The following SACM1L variants were observed in gnomAD, a reference collection of about 807,000 sequenced individuals.
SACM1L encodes the protein SAC1 like phosphatidylinositide phosphatase.
Under a neutral mutation model 89.5 loss-of-function variants are expected in SACM1L, and 32 were observed. The observed-to-expected ratio is 0.36, with a 90% CI of 0.27 to 0.48. SACM1L has a LOEUF of 0.48. Among genes scored for constraint, SACM1L ranks in the 20% least tolerant of loss-of-function variants. SACM1L has a pLI of 0.99. For missense variants in SACM1L, 543 were observed against 708.5 expected (o/e 0.77, Z 2.65); for synonymous variants, 213 against 232.8 (o/e 0.92, Z 0.77).
chr3:45,691,043 C>G lies in SACM1L; in HGVS notation c.32+1546C>G, dbSNP rs781227357. ...TCAGCTGCCAGAACACTAAATTTAA[C>G]CAGTTCAGACCTTAAAACAAACCCA... is the stretch of plus-strand genomic sequence containing the variant. On this transcript the variant is annotated intron_variant, in intron 1 of 19. Transcript: ENST00000389061. 2.7e-4 allele frequency among the ~76,000 whole-genome samples: 41 copies of G among 152,296 alleles called. 1 individual carries two copies. Among genetic ancestry groups the G allele is most frequent in the Admixed American group, 1.7e-3 (26 of 15,302 alleles).
intron 5 of SACM1L, 89 bp from the exon 6 acceptor site, chr3:45,713,048 C>T: frequency 9.4e-7 from 1 of 1,061,012 alleles, no homozygotes; most frequent in Non-Finnish European, 1.4e-6. Context: ...TTCTAGCCAT[C>T]AGAAAGAGAC....
At chr3:45,703,116 A>G (rs1291556375) in intron 1 of SACM1L, among the ~76,000 whole-genome samples, 4 of 152,212 alleles carry the variant, frequency 2.6e-5, no homozygotes, top group Non-Finnish European at 4.4e-5. Context: ...CACTACTGGT[A>G]GTCTGGTTCT....
intron 1 of SACM1L, among the ~76,000 whole-genome samples, chr3:45,691,023 T>A (rs2742421): frequency 6.6e-6 from 1 of 151,986 alleles, no homozygotes; most frequent in African/African-American, 2.4e-5. Flanking sequence ...GTTTTTCAGC[T>A]GCCAGAACAC....
chr3:45,699,373 T>G (rs1456016404), intron 1 of SACM1L, among the ~76,000 whole-genome samples: 4 of 151,324 alleles, frequency 2.6e-5, no homozygotes, highest in Non-Finnish European at 5.9e-5. Flanking sequence ...GGGCTCTGGT[T>G]TATGTAGCTG....
Position 45,739,524 on chromosome 3 carries a change from A to G in SACM1L, c.1570-63A>G, listed in dbSNP as rs573987161. On this transcript the variant is annotated intron_variant, in intron 18 of 19. Coordinates refer to ENST00000389061, the MANE Select transcript of SACM1L (RefSeq NM_014016.5). ...TCTTTTCCCAAGCAATGCATGCACA[A>G]CTGATTTTGCTGCCATTGATTAGCA... 52 of 1,454,186 alleles carry G rather than the reference A, an allele frequency of 3.6e-5. No individual in the cohort carries two copies. The South Asian group carries it at 5.5e-4, about 15-fold the overall frequency. The allele number at this position is 1,454,186 out of a possible 1,614,324, so 90.1% of individuals were successfully genotyped here.
At position 45,735,383 on chromosome 3, in the gene SACM1L, C is replaced by CAT; in HGVS notation, c.1239+10_1239+11insAT. The CAT allele has an allele frequency of 2.3e-6, 3 of 1,288,934 alleles. No homozygotes were observed. The highest frequency in any genetic ancestry group is 3.1e-6 in the Non-Finnish European group (3 of 969,322). 79.8% of individuals were successfully genotyped at this position (1,288,934 alleles called of 1,614,324 possible). On this transcript the variant is annotated intron_variant, in intron 14 of 19. Coordinates refer to ENST00000389061, the MANE Select transcript of SACM1L (RefSeq NM_014016.5). The stretch of plus-strand genomic sequence containing the variant: ...TCAGGCCCAACTTCAGGTGCGAATG[C>CAT]TTTTTTTTTTTTTAATTGAAAAACA...
chr3:45,712,211 A>G (rs991893626), intron 5 of SACM1L, among the ~76,000 whole-genome samples: 5 of 152,080 alleles, frequency 3.3e-5, no homozygotes, highest in Non-Finnish European at 7.4e-5. Context: ...CATAAATAGA[A>G]TTGATTAATC....
intron 4 of SACM1L, among the ~76,000 whole-genome samples, chr3:45,708,930 A>G (rs1326982616): frequency 2.6e-5 from 4 of 152,224 alleles, no homozygotes; most frequent in Non-Finnish European, 5.9e-5. Flanking sequence ...AAAAATAAAG[A>G]TAAATATTGC....
chr3:45,707,362 G>T (rs1246653445), intron 4 of SACM1L: 1 of 153,126 alleles, frequency 6.5e-6, no homozygotes, highest in African/African-American at 2.4e-5. Flanking sequence ...TTTTCCTTTT[G>T]CACTATTCCT....
chr3:45,700,601 A>G (rs1051441594), intron 1 of SACM1L, among the ~76,000 whole-genome samples: 25 of 152,312 alleles, frequency 1.6e-4, no homozygotes, highest in Middle Eastern at 3.4e-3. Context: ...AGTGCTGAGC[A>G]TATCATGTGT....
At chr3:45,722,813 G>T in intron 9 of SACM1L, 56 bp from the exon 10 acceptor site, 1 of 1,301,246 alleles carries the variant, frequency 7.7e-7, no homozygotes, top group East Asian at 2.4e-5. Context: ...CAATAAGTAA[G>T]GTGAGAAAAA....
intron 1 of SACM1L, chr3:45,689,745 TGCCGACTGGCCCCCACCGA>T (rs1697923080): frequency 1.7e-6 from 1 of 592,092 alleles, no homozygotes; most frequent in Non-Finnish European, 3.0e-6. Flanking sequence ...AGAGAGAAGC[TGCCGACTGGCCCCCACCGA>T]GCCGGGGTCG....
chr3:45,722,866 T>C lies in SACM1L; in HGVS notation c.766-3T>C, dbSNP rs371851070. On this transcript the variant is annotated splice_region_variant and splice_polypyrimidine_tract_variant and intron_variant, in intron 9 of 19. Coordinates refer to ENST00000389061, the MANE Select transcript of SACM1L (RefSeq NM_014016.5). ...CTTTTCACATTTCTCTCTTTTCTTTTAGACTCGAGGATCAATACCTGTTTT... is the reference window on the plus strand; with the variant it reads ...CTTTTCACATTTCTCTCTTTTCTTTCAGACTCGAGGATCAATACCTGTTTT... 5.6e-6 allele frequency: 9 copies of C among 1,607,050 alleles called. No individual in the cohort carries two copies. The highest frequency in any genetic ancestry group is 4.0e-5 in the African/African-American group (3 of 74,774).
At chr3:45,704,465 T>C (rs957046448) in intron 2 of SACM1L, among the ~76,000 whole-genome samples, 1 of 152,168 alleles carries the variant, frequency 6.6e-6, no homozygotes, top group African/African-American at 2.4e-5. Flanking sequence ...CTGTTTTAGT[T>C]TGATAATTTG....
chr3:45,693,433 A>G (rs961768294), intron 1 of SACM1L, among the ~76,000 whole-genome samples: 1 of 152,248 alleles, frequency 6.6e-6, no homozygotes, highest in Admixed American at 6.5e-5. Flanking sequence ...GTCTAGGGTA[A>G]TTTGGAATGT....
At chr3:45,739,115 A>G (rs1400575590) in intron 18 of SACM1L, among the ~76,000 whole-genome samples, 1 of 152,212 alleles carries the variant, frequency 6.6e-6, no homozygotes, top group African/African-American at 2.4e-5. Context: ...GGGAATGTGG[A>G]AGCTTTCTCA....
At chr3:45,692,612 AAG>A (rs1246427272) in intron 1 of SACM1L, among the ~76,000 whole-genome samples, 1 of 152,202 alleles carries the variant, frequency 6.6e-6, no homozygotes, top group Non-Finnish European at 1.5e-5. Flanking sequence ...GCCTGGCCCA[AAG>A]AGAGTTTAGA....
chr3:45,724,082 A>T (rs1698853455), intron 11 of SACM1L, among the ~76,000 whole-genome samples: 1 of 152,078 alleles, frequency 6.6e-6, no homozygotes, highest in Non-Finnish European at 1.5e-5. Context: ...TGCTATGAAC[A>T]TTGGTGGTGT....
intron 14 of SACM1L, 197 bp from the exon 15 acceptor site, chr3:45,737,386 C>T (rs1699225331): frequency 1.7e-6 from 1 of 598,892 alleles, no homozygotes; most frequent in Non-Finnish European, 2.9e-6. Context: ...CAAAGGTGCC[C>T]TCAGGAGAGG....
Sources: gnomAD v4.1 joint callset for allele counts (sites outside exome capture counted in the v4.1 genomes callset) on GRCh38, gnomAD v4.1.1 for gene constraint, MANE v1.5 for transcripts, NCBI Gene and HGNC (gene_info 2026-07-23, HGNC 2026-07-21) for gene names.